The following PPM1L variants were observed in gnomAD, a reference collection of about 807,000 sequenced individuals.
PPM1L encodes protein phosphatase 1L.
A neutral mutation model predicts 31.4 loss-of-function variants in PPM1L; 13 were observed. The ratio of observed to expected loss-of-function variants is 0.41; its 90% CI spans 0.27 to 0.66. The LOEUF is 0.66. PPM1L is among the 30% of genes least tolerant of loss of function. The pLI is 0.29. For missense variants in PPM1L, 326 were observed against 453.7 expected (o/e 0.72, Z 2.56); for synonymous variants, 184 against 175.4 (o/e 1.05, Z -0.39).
At chr3:160,808,666 G>A (rs1261916179) in intron 1 of PPM1L, among the ~76,000 whole-genome samples, 1 of 152,134 alleles carries the variant, frequency 6.6e-6, no homozygotes, top group Non-Finnish European at 1.5e-5. Flanking sequence ...TCACCTTCAG[G>A]CACCTGAGGA....
intron 1 of PPM1L, among the ~76,000 whole-genome samples, chr3:160,820,586 G>T (rs1409976237): frequency 6.6e-6 from 1 of 151,926 alleles, no homozygotes; most frequent in Admixed American, 6.6e-5. Flanking sequence ...TGCATGTTGC[G>T]CTAAGATAGA....
intron 1 of PPM1L, among the ~76,000 whole-genome samples, chr3:160,877,276 T>C (rs1560135449): frequency 2.0e-5 from 3 of 152,196 alleles, no homozygotes; most frequent in Non-Finnish European, 4.4e-5. Flanking sequence ...GAGAAAAATT[T>C]GGCTTTTGCC....
intron 1 of PPM1L, among the ~76,000 whole-genome samples, chr3:160,821,300 A>G (rs1167436970): frequency 6.6e-6 from 1 of 151,978 alleles, no homozygotes; most frequent in Admixed American, 6.6e-5. Context: ...TGTTGAGCCT[A>G]ATTTGCTCTT....
intron 1 of PPM1L, among the ~76,000 whole-genome samples, chr3:160,843,425 TTTATATA>T (rs1713958470): frequency 1.1e-5 from 1 of 90,402 alleles, no homozygotes; most frequent in African/African-American, 5.1e-5. Context: ...TGGCAATTCT[TTTATATA>T]TATATATATA....
chr3:160,810,317 A>G (rs1384907001), intron 1 of PPM1L, among the ~76,000 whole-genome samples: 1 of 151,930 alleles, frequency 6.6e-6, no homozygotes, highest in African/African-American at 2.4e-5. Flanking sequence ...TCCTGTTTCA[A>G]TTTGCTAGCT....
chr3:160,912,307 A>T (rs1372794983), intron 1 of PPM1L, among the ~76,000 whole-genome samples: 1 of 152,160 alleles, frequency 6.6e-6, no homozygotes, highest in Admixed American at 6.5e-5. Context: ...CTCCCTACCT[A>T]CTATAGGTTA....
intron 2 of PPM1L, among the ~76,000 whole-genome samples, chr3:161,049,128 A>C (rs956337578): frequency 6.6e-6 from 1 of 151,940 alleles, no homozygotes; most frequent in Non-Finnish European, 1.5e-5. Context: ...ACATACAAAA[A>C]TTAGATGGAC....
intron 1 of PPM1L, among the ~76,000 whole-genome samples, chr3:160,857,582 T>C (rs1483052150): frequency 6.6e-6 from 1 of 152,200 alleles, no homozygotes; most frequent in East Asian, 1.9e-4. Flanking sequence ...GTGGGCTCCA[T>C]TCATTTATAT....
chr3:160,921,211 T>G (rs1714391842), intron 1 of PPM1L, among the ~76,000 whole-genome samples: 1 of 152,192 alleles, frequency 6.6e-6, no homozygotes, highest in African/African-American at 2.4e-5. Flanking sequence ...GTTACCCTTT[T>G]AAATCACTAG....
At chr3:160,930,672 C>T (rs546113806) in intron 1 of PPM1L, among the ~76,000 whole-genome samples, 20 of 152,204 alleles carry the variant, frequency 1.3e-4, no homozygotes, top group Admixed American at 1.2e-3. Context: ...AAATTTTAGG[C>T]GGAGTGAAGG....
chr3:160,960,303 G>A (rs978125688), intron 1 of PPM1L, among the ~76,000 whole-genome samples: 1 of 152,068 alleles, frequency 6.6e-6, no homozygotes, highest in Admixed American at 6.6e-5. Flanking sequence ...CTTATATAGT[G>A]TTCAAATCAA....
At chr3:160,955,247 G>A (rs774991678) in intron 1 of PPM1L, among the ~76,000 whole-genome samples, 1 of 152,076 alleles carries the variant, frequency 6.6e-6, no homozygotes, top group African/African-American at 2.4e-5. Flanking sequence ...TTGACCTCGT[G>A]ATTACTGCCT....
Position 161,032,779 on chromosome 3 carries a change from G to A in PPM1L, c.575-32624G>A, listed in dbSNP as rs557177982. 1.1e-4 allele frequency among the ~76,000 whole-genome samples: 16 copies of A among 150,106 alleles called. No homozygotes were observed. The South Asian group carries it at 2.4e-3, about 22-fold the overall frequency. Reference sequence around the variant, plus strand: ...ATGATCTCAGCTCACTGCAACCTCCGCCTCCCGGGTTCAAGTGATTCTCCT... The same window carrying A: ...ATGATCTCAGCTCACTGCAACCTCCACCTCCCGGGTTCAAGTGATTCTCCT... On this transcript the variant is annotated intron_variant, in intron 2 of 3. Transcript: ENST00000498165.
Position 161,076,216 on chromosome 3 carries a change from C to A in PPM1L, c.*7059C>A, listed in dbSNP as rs1227427765. On this transcript the variant is annotated 3_prime_UTR_variant, in exon 4 of 4. Transcript: ENST00000498165. ...CATCTCTAACCCAAGAAAAAGATGT[C>A]TTTTGTATAACTTTTAAATTCCCAT... The A allele has an allele frequency of 6.6e-6, 1 of 152,134 alleles. No homozygotes were observed. Among genetic ancestry groups the A allele is most frequent in the Non-Finnish European group, 1.5e-5 (1 of 68,008 alleles). The allele number at this position is 152,134 out of a possible 1,614,324, so 9.4% of individuals were successfully genotyped here. A position where few individuals can be genotyped will look rare whatever the true frequency, so the allele number is the denominator to read the frequency against.
intron 1 of PPM1L, among the ~76,000 whole-genome samples, chr3:160,805,569 A>C (rs1255909363): frequency 6.6e-6 from 1 of 152,056 alleles, no homozygotes; most frequent in Non-Finnish European, 1.5e-5. Flanking sequence ...TAAAAATACA[A>C]AAATTAGTCA....
chr3:160,923,913 G>A (rs923002579), intron 1 of PPM1L, among the ~76,000 whole-genome samples: 5 of 152,102 alleles, frequency 3.3e-5, no homozygotes, highest in African/African-American at 4.8e-5. Context: ...TTCTTCTCAG[G>A]GGAAGCAGAT....
intron 2 of PPM1L, among the ~76,000 whole-genome samples, chr3:161,037,504 TC>T (rs544213373): frequency 1.6e-4 from 22 of 137,832 alleles, no homozygotes; most frequent in African/African-American, 6.0e-4. Context: ...AACCTCCACC[TC>T]CCAGGTTCAA....
intron 1 of PPM1L, among the ~76,000 whole-genome samples, chr3:160,875,372 C>G (rs1027911777): frequency 1.3e-5 from 2 of 152,148 alleles, no homozygotes; most frequent in Non-Finnish European, 1.5e-5. Context: ...GTTTAAAATA[C>G]TAGTTTTCTG....
intron 1 of PPM1L, among the ~76,000 whole-genome samples, chr3:160,927,461 C>G (rs1319781861): frequency 6.6e-6 from 1 of 151,422 alleles, no homozygotes; most frequent in Non-Finnish European, 1.5e-5. Flanking sequence ...TCTTCCTTTA[C>G]TTTATAGCTG....
Sources: gnomAD v4.1 joint callset for allele counts (sites outside exome capture counted in the v4.1 genomes callset) on GRCh38, gnomAD v4.1.1 for gene constraint, MANE v1.5 for transcripts, NCBI Gene and HGNC (gene_info 2026-07-23, HGNC 2026-07-21) for gene names.